TCF12: variants seen among roughly 807,000 people sequenced by gnomAD.
TCF12 encodes transcription factor 12, also known as DNA-binding protein HTF4.
Under a neutral mutation model 86.0 loss-of-function variants are expected in TCF12, and 45 were observed. That is an observed-to-expected ratio of 0.52 (90% CI 0.41 to 0.67). The LOEUF is 0.67. TCF12 is among the 30% of genes least tolerant of loss of function. The probability of loss-of-function intolerance (pLI) is 0.00; values close to 1 mark genes in which losing one functional copy is unlikely to be tolerated. For missense variants in TCF12, 881 were observed against 859.9 expected (o/e 1.02, Z -0.31); for synonymous variants, 330 against 299.6 (o/e 1.10, Z -1.05).
At chr15:57,162,984 G>A (rs1333317949) in intron 5 of TCF12, among the ~76,000 whole-genome samples, 2 of 152,050 alleles carry the variant, frequency 1.3e-5, no homozygotes, top group Non-Finnish European at 2.9e-5. Flanking sequence ...GACCAGCCTG[G>A]CCAACATAGT....
chr15:57,040,057 AC>A (rs1413999854), intron 3 of TCF12, among the ~76,000 whole-genome samples: 1 of 152,208 alleles, frequency 6.6e-6, no homozygotes, highest in Non-Finnish European at 1.5e-5. Context: ...CTGAATAAGA[AC>A]TTTTATTATT....
At chr15:57,004,458 G>C (rs558262454) in intron 3 of TCF12, among the ~76,000 whole-genome samples, 7 of 152,060 alleles carry the variant, frequency 4.6e-5, no homozygotes, top group Non-Finnish European at 7.4e-5. Context: ...GCCCAGGCTG[G>C]AGTGCAGTGG....
chr15:57,040,482 A>G (rs994383663), intron 3 of TCF12, among the ~76,000 whole-genome samples: 3 of 152,212 alleles, frequency 2.0e-5, no homozygotes, highest in African/African-American at 7.2e-5. Context: ...AATTGGCTGA[A>G]TAGTAGGAGT....
intron 6 of TCF12, among the ~76,000 whole-genome samples, chr15:57,170,716 TATATATTATATATTATATATA>T (rs1482809845): frequency 2.0e-3 from 4 of 1,994 alleles, no homozygotes; most frequent in Admixed American, 5.3e-3. Flanking sequence ...ATATATAATA[TATATATTATATATTATATATA>T]ATATATATTA....
chr15:57,245,501 C>A (rs1274685157), intron 13 of TCF12, among the ~76,000 whole-genome samples: 4 of 152,192 alleles, frequency 2.6e-5, no homozygotes, highest in African/African-American at 9.7e-5. Context: ...TCCGAGGTTT[C>A]CATATCAGCA....
chr15:57,226,515 C>G (rs2058888202), intron 8 of TCF12, among the ~76,000 whole-genome samples: 1 of 152,082 alleles, frequency 6.6e-6, no homozygotes, highest in Non-Finnish European at 1.5e-5. Flanking sequence ...CATATGGGAA[C>G]TTAAAGAGAA....
intron 5 of TCF12, among the ~76,000 whole-genome samples, chr15:57,117,932 G>A (rs1208024550): frequency 6.6e-6 from 1 of 152,092 alleles, no homozygotes; most frequent in Non-Finnish European, 1.5e-5. Flanking sequence ...AATATAAGGG[G>A]GGGGAAGGCA....
At chr15:57,271,519 G>T (rs1182433001) in intron 18 of TCF12, among the ~76,000 whole-genome samples, 2 of 152,202 alleles carry the variant, frequency 1.3e-5, no homozygotes, top group Non-Finnish European at 2.9e-5. Context: ...CTAGGAAAGG[G>T]TAATCCCCCA....
chr15:57,020,973 A>G (rs930128176), intron 3 of TCF12, among the ~76,000 whole-genome samples: 2 of 152,142 alleles, frequency 1.3e-5, no homozygotes, highest in African/African-American at 4.8e-5. Context: ...AGGGTGAGAC[A>G]TATCACCTTT....
chr15:57,192,369 C>T (rs2151711975), intron 7 of TCF12, 76 bp downstream of exon 7: 3 of 1,495,998 alleles, frequency 2.0e-6, no homozygotes, highest in East Asian at 2.3e-5. Context: ...GTACTTCTGG[C>T]TATGCTTTTT....
chr15:57,017,674 C>T (rs1371661441), intron 3 of TCF12, among the ~76,000 whole-genome samples: 1 of 151,388 alleles, frequency 6.6e-6, no homozygotes, highest in African/African-American at 2.4e-5. Context: ...TTAAAACCCA[C>T]CAGTTAAACT....
chr15:56,953,841 TG>T (rs1459119627), intron 3 of TCF12, among the ~76,000 whole-genome samples: 4 of 148,536 alleles, frequency 2.7e-5, no homozygotes, highest in Non-Finnish European at 4.5e-5. Context: ...TTTTTTTTTT[TG>T]ATGTTCTCAA....
At chr15:57,243,361 CTG>C in intron 12 of TCF12, 109 bp from the exon 13 acceptor site, 1 of 860,406 alleles carries the variant, frequency 1.2e-6, no homozygotes, top group Non-Finnish European at 1.8e-6. Context: ...TTTTTTCACT[CTG>C]AAGTCTTAGG....
chr15:57,263,189 C>A lies in TCF12; in HGVS notation c.1660C>A (p.His554Asn). The A allele has an allele frequency of 6.2e-7, 1 of 1,613,424 alleles. No homozygotes were observed. Among genetic ancestry groups the A allele is most frequent in the Non-Finnish European group, 8.5e-7 (1 of 1,179,762 alleles). ...TENKEKDENL[H>N]EPPSSDDMKS... ...AAACAAAGAAAAGGATGAAAACCTT[C>A]ATGAACCTCCTTCATCAGATGACAT... is the stretch of plus-strand genomic sequence containing the variant. The change falls in exon 18 of 21, where the codon CAT becomes AAT. Residue 554 changes from histidine to asparagine, a missense_variant. Physicochemically the swap from His to Asn is moderately conservative, Grantham distance 68. Transcript: ENST00000333725.
At chr15:57,234,164 A>G in intron 12 of TCF12, 57 bp downstream of exon 12, 1 of 1,354,272 alleles carries the variant, frequency 7.4e-7, no homozygotes, top group South Asian at 1.2e-5. Flanking sequence ...GAATACAGTG[A>G]TTAGATTTTG....
intron 3 of TCF12, among the ~76,000 whole-genome samples, chr15:56,959,232 A>G (rs375720283): frequency 2.0e-5 from 3 of 152,322 alleles, no homozygotes. Context: ...TGAGCCTGGC[A>G]TTCTCTTTGG....
intron 12 of TCF12, among the ~76,000 whole-genome samples, chr15:57,240,482 A>T (rs1424404562): frequency 6.6e-6 from 1 of 152,192 alleles, no homozygotes; most frequent in Non-Finnish European, 1.5e-5. Flanking sequence ...CTCCCTTGCC[A>T]ATATTGTAGT....
rs370881239 is a variant in TCF12 at position 57,253,411 on chromosome 15, C to T, written c.1410C>T (p.Ser470=). The T allele has an allele frequency of 9.3e-6, 15 of 1,613,914 alleles. No homozygotes were observed. The African/African-American group carries it at 1.6e-4, about 17-fold the overall frequency. The change falls in exon 16 of 21, where the codon AGC becomes AGT. Residue 470 remains serine, a synonymous_variant. Coordinates refer to ENST00000333725, the MANE Select transcript of TCF12 (RefSeq NM_207037.2). The part of the protein sequence containing the change: ...LGPSHNAPIG[S]LNSNYGGSSL... ...CATCCCATAATGCACCAATTGGAAG[C>T]CTCAATTCAAACTATGGAGGATCAA...
At chr15:57,199,970 C>G (rs774082942) in intron 8 of TCF12, among the ~76,000 whole-genome samples, 10 of 151,806 alleles carry the variant, frequency 6.6e-5, no homozygotes, top group African/African-American at 2.4e-4. Context: ...CAGCCTTAAC[C>G]TCCTTGGCTC....
Sources: gnomAD v4.1 joint callset for allele counts (sites outside exome capture counted in the v4.1 genomes callset) on GRCh38, gnomAD v4.1.1 for gene constraint, MANE v1.5 for transcripts, NCBI Gene and HGNC (gene_info 2026-07-23, HGNC 2026-07-21) for gene names.